Variants in C5orf63 observed in about 807,000 individuals in gnomAD.
C5orf63 encodes glutaredoxin-like protein C5orf63.
C5orf63 carries 18 observed loss-of-function variants against 13.3 expected under a neutral mutation model. That is an observed-to-expected ratio of 1.36 (90% CI 0.94 to 2.01). C5orf63 has a LOEUF of 2.01. Among genes scored for constraint, C5orf63 ranks in the 30% most tolerant of loss-of-function variants. The probability of loss-of-function intolerance (pLI) is 0.00; values close to 1 mark genes in which losing one functional copy is unlikely to be tolerated. For missense variants in C5orf63, 118 were observed against 127.7 expected (o/e 0.92, Z 0.36); for synonymous variants, 38 against 44.7 (o/e 0.85, Z 0.60).
chr5:127,065,279 A>C lies in C5orf63; in HGVS notation c.-7-6277T>G, dbSNP rs1754283741. ...AAGGGTTGATCCCAACCCATGAAAA[A>C]TCTGGTCAGAAGTTAAGACATGTAT... is the stretch of plus-strand genomic sequence containing the variant. On this transcript the variant is annotated intron_variant, in intron 2 of 4. Transcript: ENST00000296662. Among the ~76,000 whole-genome samples the C allele has an allele frequency of 2.0e-5, 3 of 152,326 alleles. No individual in the cohort carries two copies. The South Asian group carries it at 6.2e-4, about 32-fold the overall frequency.
In C5orf63 at chr5:127,063,189, G is replaced by A. The variant is rs200496285; in HGVS notation, c.-7-4187C>T. On this transcript the variant is annotated intron_variant, in intron 2 of 4. Transcript: ENST00000296662. ...AATAAAACTGAGGCTGATTTCAGTG[G>A]TCTTTATGGCAGAGTCAAATACAAC... is the stretch of plus-strand genomic sequence containing the variant. Among the ~76,000 whole-genome samples the A allele has an allele frequency of 1.3e-4, 20 of 152,298 alleles. No individual in the cohort carries two copies. The East Asian group carries it at 3.3e-3, about 25-fold the overall frequency.
chr5:127,060,343 G>C (rs1419260903), intron 2 of C5orf63, among the ~76,000 whole-genome samples: 1 of 152,110 alleles, frequency 6.6e-6, no homozygotes, highest in Non-Finnish European at 1.5e-5. Flanking sequence ...GAACAGCTTG[G>C]TGATCGCAGC....
At chr5:127,042,821 C>G (rs1195166710), downstream of C5orf63, 1 of 152,118 alleles carries the variant, frequency 6.6e-6, no homozygotes, top group Non-Finnish European at 1.5e-5. Context: ...AGCGATGTCT[C>G]CATTTAATGA....
downstream of C5orf63, chr5:127,048,012 A>C: frequency 1.7e-6 from 1 of 604,742 alleles, no homozygotes; most frequent in East Asian, 2.8e-5. Context: ...TAAACAGTTA[A>C]AGCAGACCAC....
intron 2 of C5orf63, among the ~76,000 whole-genome samples, chr5:127,069,502 T>G (rs1179061173): frequency 6.6e-6 from 1 of 152,232 alleles, no homozygotes; most frequent in Non-Finnish European, 1.5e-5. Flanking sequence ...TTCCACCCAC[T>G]TTCAATTTAT....
downstream of C5orf63, among the ~76,000 whole-genome samples, chr5:127,048,087 G>A (rs915536847): frequency 6.6e-6 from 1 of 152,018 alleles, no homozygotes; most frequent in African/African-American, 2.4e-5. Flanking sequence ...CTTGCCTGCA[G>A]TTCCCTGATT....
intron 2 of C5orf63, among the ~76,000 whole-genome samples, chr5:127,059,770 G>A (rs1392763889): frequency 6.6e-6 from 1 of 151,296 alleles, no homozygotes; most frequent in Non-Finnish European, 1.5e-5. Flanking sequence ...CAATGGGTAA[G>A]CAGCTAAGCA....
Position 127,051,723 on chromosome 5 carries a change from G to A in C5orf63, c.*48C>T. ...GTATCAGGCCATGGTCATTTCCTTAGGAAGATGCTTTATGGGAAGAGAGGG... is the reference window on the plus strand; with the variant it reads ...GTATCAGGCCATGGTCATTTCCTTAAGAAGATGCTTTATGGGAAGAGAGGG... On this transcript the variant is annotated 3_prime_UTR_variant, in exon 5 of 5. Transcript: ENST00000296662. 6.9e-7 allele frequency: 1 copy of A among 1,451,662 alleles called. No individual in the cohort carries two copies. Among genetic ancestry groups the A allele is most frequent in the African/African-American group, 1.4e-5 (1 of 70,416 alleles). The allele number at this position is 1,451,662 out of a possible 1,614,324, so 89.9% of individuals were successfully genotyped here.
At chr5:127,064,992 T>C (rs1325024706) in intron 2 of C5orf63, among the ~76,000 whole-genome samples, 1 of 152,194 alleles carries the variant, frequency 6.6e-6, no homozygotes, top group Non-Finnish European at 1.5e-5. Context: ...CCATTAATTT[T>C]TTTTTTGTAT....
chr5:127,052,724 T>C, intron 3 of C5orf63, 55 bp from the exon 4 acceptor site: 1 of 1,380,550 alleles, frequency 7.2e-7, no homozygotes, highest in Non-Finnish European at 9.4e-7. Flanking sequence ...CATTTGCCCT[T>C]ACAAAAACAA....
chr5:127,060,982 A>C (rs1022888672), intron 2 of C5orf63, among the ~76,000 whole-genome samples: 1 of 152,238 alleles, frequency 6.6e-6, no homozygotes, highest in Non-Finnish European at 1.5e-5. Context: ...GGCACATAAT[A>C]GGCACTCAAA....
intron 2 of C5orf63, among the ~76,000 whole-genome samples, chr5:127,063,724 C>T (rs1754199367): frequency 6.6e-6 from 1 of 152,192 alleles, no homozygotes; most frequent in African/African-American, 2.4e-5. Context: ...CTGACATTAA[C>T]TAAATACTAT....
intron 2 of C5orf63, among the ~76,000 whole-genome samples, chr5:127,071,011 T>A (rs886720261): frequency 2.0e-5 from 3 of 152,216 alleles, no homozygotes; most frequent in African/African-American, 7.2e-5. Context: ...TCTTGTTACA[T>A]TCTCAATGTT....
downstream of C5orf63, chr5:127,043,993 T>C (rs1753463255): frequency 6.6e-6 from 1 of 152,222 alleles, no homozygotes; most frequent in African/African-American, 2.4e-5. Flanking sequence ...AGGTCTTCTG[T>C]GCAATGCAAT....
chr5:127,061,074 G>GT (rs1326483329), intron 2 of C5orf63, among the ~76,000 whole-genome samples: 1 of 152,136 alleles, frequency 6.6e-6, no homozygotes, highest in Non-Finnish European at 1.5e-5. Context: ...TAGATACTCA[G>GT]TATGTACAGC....
In C5orf63 at chr5:127,051,378, A is replaced by G. The variant is rs775087270; in HGVS notation, c.*393T>C. ...ACATTTCACTTTATCTACTGAGTGG[A>G]AGAGCATTTATTCTTTCATTAAAAA... On this transcript the variant is annotated 3_prime_UTR_variant, in exon 5 of 5. Transcript: ENST00000296662. The G allele has an allele frequency of 8.1e-7, 1 of 1,232,448 alleles. No homozygotes were observed. Among genetic ancestry groups the G allele is most frequent in the Non-Finnish European group, 1.0e-6 (1 of 988,362 alleles). The allele number at this position is 1,232,448 out of a possible 1,614,324, so 76.3% of individuals were successfully genotyped here.
At chr5:127,055,257 G>A (rs555214323) in intron 3 of C5orf63, among the ~76,000 whole-genome samples, 49 of 152,198 alleles carry the variant, frequency 3.2e-4, no homozygotes, top group African/African-American at 9.6e-4. Flanking sequence ...AAAAAACTAC[G>A]TTAAAGTTCA....
At chr5:127,056,548 T>G (rs1374227558) in intron 3 of C5orf63, 1 of 152,116 alleles carries the variant, frequency 6.6e-6, no homozygotes, top group Non-Finnish European at 1.5e-5. Context: ...CCATTCACTA[T>G]CACAAGAACA....
chr5:127,067,563 C>T (rs1268448683), intron 2 of C5orf63, among the ~76,000 whole-genome samples: 1 of 152,098 alleles, frequency 6.6e-6, no homozygotes, highest in African/African-American at 2.4e-5. Flanking sequence ...TACCTTGGCA[C>T]CAGGTATTGG....
Sources: allele counts gnomAD v4.1 joint callset (sites outside exome capture counted in the v4.1 genomes callset), GRCh38; gene constraint gnomAD v4.1.1; transcripts MANE v1.5; gene names NCBI Gene and HGNC (gene_info 2026-07-23, HGNC 2026-07-21).